FSTL5: variants seen among roughly 807,000 people sequenced by gnomAD.
FSTL5 encodes the protein follistatin-related protein 5.
In FSTL5, 62 loss-of-function variants were observed where a neutral mutation model predicts 89.1. That is an observed-to-expected ratio of 0.70 (90% CI 0.57 to 0.86). FSTL5 has a LOEUF of 0.86. FSTL5 is among the 40% of genes least tolerant of loss of function. The pLI, the probability that FSTL5 is intolerant of heterozygous loss-of-function variation, is 0.00. For synonymous variants in FSTL5, 383 were observed against 346.2 expected, an observed-to-expected ratio of 1.11 and a Z score of -1.18; for missense variants, 1,057 against 1,001.6, an observed-to-expected ratio of 1.06 and a Z score of -0.75.
At chr4:161,650,240 G>T (rs1162044300) in intron 7 of FSTL5, among the ~76,000 whole-genome samples, 2 of 152,096 alleles carry the variant, frequency 1.3e-5, no homozygotes, top group Non-Finnish European at 2.9e-5. Flanking sequence ...TCAAACATTT[G>T]ATCCTGGTGG....
chr4:161,646,728 G>A (rs1390068206), intron 7 of FSTL5, among the ~76,000 whole-genome samples: 1 of 152,034 alleles, frequency 6.6e-6, no homozygotes, highest in Non-Finnish European at 1.5e-5. Flanking sequence ...TCAACAGAAT[G>A]CCTTGCTTTA....
intron 4 of FSTL5, among the ~76,000 whole-genome samples, chr4:161,862,156 A>C (rs1315422459): frequency 1.3e-5 from 2 of 152,230 alleles, no homozygotes; most frequent in African/African-American, 4.8e-5. Context: ...ATTGTTTACT[A>C]ACTTGTGATA....
chr4:161,466,272 A>G (rs972490704), intron 13 of FSTL5, among the ~76,000 whole-genome samples: 3 of 152,208 alleles, frequency 2.0e-5, no homozygotes, highest in Non-Finnish European at 4.4e-5. Context: ...TAAAAAATTC[A>G]TCAATATTTC....
chr4:161,698,455 TGTGACTATA>T (rs1208073484), intron 6 of FSTL5, among the ~76,000 whole-genome samples: 18 of 152,176 alleles, frequency 1.2e-4, no homozygotes, highest in Admixed American at 1.1e-3. Flanking sequence ...TACATAGACT[TGTGACTATA>T]GTCAATGATG....
chr4:161,684,947 C>A (rs957950690), intron 6 of FSTL5, among the ~76,000 whole-genome samples: 8 of 152,164 alleles, frequency 5.3e-5, no homozygotes, highest in African/African-American at 1.9e-4. Context: ...AGACGAAGAT[C>A]CAGTTTCATT....
At chr4:161,646,134 C>A (rs1308021276) in intron 7 of FSTL5, among the ~76,000 whole-genome samples, 5 of 148,162 alleles carry the variant, frequency 3.4e-5, no homozygotes, top group African/African-American at 1.2e-4. Flanking sequence ...GCCTAAGGGG[C>A]AAAAACCCTT....
chr4:162,129,766 T>A (rs936574636), intron 1 of FSTL5, among the ~76,000 whole-genome samples: 2 of 152,244 alleles, frequency 1.3e-5, no homozygotes, highest in African/African-American at 4.8e-5. Context: ...TTTATGCAGA[T>A]GCTAAATTTA....
rs371730931 is a variant in FSTL5, at chr4:161,417,125, T to C, written c.1842-30676A>G. Reference sequence around the variant, plus strand: ...ATGTTATTTAGTTTAAAGTCACATATGCAGTATGCTATACTAAAATCTCTG... The same window carrying C: ...ATGTTATTTAGTTTAAAGTCACATACGCAGTATGCTATACTAAAATCTCTG... On this transcript the variant is annotated intron_variant, in intron 15 of 15. Transcript: ENST00000306100. Among the ~76,000 whole-genome samples, 219 of 152,370 alleles carry C rather than the reference T, an allele frequency of 1.4e-3. 1 individual carries two copies. The highest frequency in any genetic ancestry group is 5.2e-3 in the African/African-American group (215 of 41,598).
At chr4:162,083,976 T>C (rs1324382768) in intron 2 of FSTL5, among the ~76,000 whole-genome samples, 3 of 151,964 alleles carry the variant, frequency 2.0e-5, no homozygotes. Context: ...TAAATCATTT[T>C]ATAATTTAGA....
chr4:161,836,763 T>C (rs1731057025), intron 4 of FSTL5, among the ~76,000 whole-genome samples: 1 of 152,038 alleles, frequency 6.6e-6, no homozygotes, highest in African/African-American at 2.4e-5. Context: ...ATTTTTTAAA[T>C]ATTAAAAATA....
At chr4:161,486,081 T>C (rs1435537249) in intron 12 of FSTL5, among the ~76,000 whole-genome samples, 2 of 148,880 alleles carry the variant, frequency 1.3e-5, no homozygotes, top group Non-Finnish European at 3.0e-5. Flanking sequence ...GAGGCAGAGG[T>C]TGCAGTGAGC....
chr4:162,000,547 G>A lies in FSTL5; in HGVS notation c.160+33078C>T, dbSNP rs547065120. Among the ~76,000 whole-genome samples, 578 of 151,230 alleles carry A rather than the reference G, an allele frequency of 3.8e-3. 3 individuals are homozygous for A. The highest frequency in any genetic ancestry group is 4.9e-3 in the Non-Finnish European group (330 of 67,858). The stretch of plus-strand genomic sequence containing the variant: ...AGGGAGGTGGAGGTTGCAGTGAGCC[G>A]AGATCGCCCCACGATACTCCAGCCT... On this transcript the variant is annotated intron_variant, in intron 3 of 15. Coordinates refer to ENST00000306100, the MANE Select transcript of FSTL5 (RefSeq NM_020116.5).
rs895796701 is a variant in FSTL5, at chr4:162,118,280, T to G, written c.-16-6868A>C. Among the ~76,000 whole-genome samples, 288 of 137,062 alleles carry G rather than the reference T, an allele frequency of 2.1e-3. 1 individual carries two copies. The highest frequency in any genetic ancestry group is 4.1e-3 in the South Asian group (17 of 4,156). The allele number at this position is 137,062 out of a possible 152,430, so 89.9% of individuals were successfully genotyped here. The stretch of plus-strand genomic sequence containing the variant: ...TTCTCCAAAGAGTCTTTTTTTTTTT[T>G]GACGGAATCTCGCTCTGTCGCCCAG... On this transcript the variant is annotated intron_variant, in intron 1 of 15. Transcript: ENST00000306100.
At chr4:161,422,390 G>A (rs1186655242) in intron 15 of FSTL5, among the ~76,000 whole-genome samples, 1 of 152,134 alleles carries the variant, frequency 6.6e-6, no homozygotes, top group Non-Finnish European at 1.5e-5. Context: ...ATTTTAATGA[G>A]AGTCATTATA....
chr4:161,906,360 G>C (rs542830347), intron 4 of FSTL5, among the ~76,000 whole-genome samples: 4 of 152,248 alleles, frequency 2.6e-5, no homozygotes, highest in Admixed American at 1.3e-4. Flanking sequence ...GAAAAGATAT[G>C]GTTTTGAAAT....
chr4:161,779,803 ATATATATG>A (rs1560841012), intron 4 of FSTL5, among the ~76,000 whole-genome samples: 588 of 54,200 alleles, frequency 0.011, 23 homozygotes, highest in African/African-American at 0.052. Flanking sequence ...ATATATATAT[ATATATATG>A]TATATATATA....
At chr4:162,088,619 G>A (rs529816996) in intron 2 of FSTL5, among the ~76,000 whole-genome samples, 5 of 152,054 alleles carry the variant, frequency 3.3e-5, no homozygotes, top group African/African-American at 4.8e-5. Context: ...ATAACTGTAA[G>A]TTAGCTACTT....
intron 3 of FSTL5, among the ~76,000 whole-genome samples, chr4:162,006,519 G>C (rs1222508326): frequency 6.6e-6 from 1 of 151,780 alleles, no homozygotes; most frequent in Non-Finnish European, 1.5e-5. Context: ...TTGTTGTACA[G>C]GTAAAACAAA....
chr4:161,646,759 G>A (rs1273243150), intron 7 of FSTL5, among the ~76,000 whole-genome samples: 1 of 152,074 alleles, frequency 6.6e-6, no homozygotes, highest in Non-Finnish European at 1.5e-5. Flanking sequence ...AACTGTATAT[G>A]CTATGAGCCA....
Sources: allele counts gnomAD v4.1 joint callset (sites outside exome capture counted in the v4.1 genomes callset), GRCh38; gene constraint gnomAD v4.1.1; transcripts MANE v1.5; gene names NCBI Gene and HGNC (gene_info 2026-07-23, HGNC 2026-07-21).